Variants in PSMC3IP observed in about 807,000 individuals in gnomAD.
PSMC3IP encodes the protein PSMC3 interacting protein.
In PSMC3IP, 26 loss-of-function variants were observed where a neutral mutation model predicts 34.9. The observed-to-expected ratio is 0.74, with a 90% CI of 0.55 to 1.03. PSMC3IP has a LOEUF of 1.03. PSMC3IP is among the 50% of genes least tolerant of loss of function. The probability of loss-of-function intolerance (pLI) is 0.00; values close to 1 mark genes in which losing one functional copy is unlikely to be tolerated. For missense variants in PSMC3IP, 250 were observed against 263.1 expected (o/e 0.95, Z 0.34); for synonymous variants, 87 against 96.5 (o/e 0.90, Z 0.57).
At chr17:42,577,059 C>T (rs942098646) in intron 3 of PSMC3IP, 154 bp downstream of exon 3, 2 of 1,511,582 alleles carry the variant, frequency 1.3e-6, no homozygotes, top group African/African-American at 1.4e-5. Context: ...AAGTTGGGAT[C>T]CTAACAAGAG....
chr17:42,577,050 AG>A (rs2093079710), intron 3 of PSMC3IP, 162 bp downstream of exon 3: 3 of 1,486,646 alleles, frequency 2.0e-6, no homozygotes, highest in Admixed American at 2.1e-5. Flanking sequence ...AACCTCGTGA[AG>A]TTGGGATCCT....
Position 42,572,348 on chromosome 17 carries a change from C to G in PSMC3IP, c.*620G>C, listed in dbSNP as rs921509634. 3.3e-5 allele frequency: 15 copies of G among 454,490 alleles called. No individual in the cohort carries two copies. The highest frequency in any genetic ancestry group is 2.6e-4 in the African/African-American group (13 of 50,126). The allele number at this position is 454,490 out of a possible 1,614,324, so 28.2% of individuals were successfully genotyped here. ...TTTTTTATTTTTCTAAATACCAATGCAGTTTTGCTACGGTTACAATTTTGA... is the reference window on the plus strand; with the variant it reads ...TTTTTTATTTTTCTAAATACCAATGGAGTTTTGCTACGGTTACAATTTTGA... On this transcript the variant is annotated 3_prime_UTR_variant, in exon 8 of 8. Coordinates refer to ENST00000393795, the MANE Select transcript of PSMC3IP (RefSeq NM_016556.4).
intron 2 of PSMC3IP, 49 bp downstream of exon 2, chr17:42,577,412 T>C (rs1259937028): frequency 1.2e-6 from 2 of 1,610,836 alleles, no homozygotes; most frequent in Admixed American, 1.7e-5. Context: ...GACCCCAGCC[T>C]GAATCCAGGG....
rs185065656 is a variant in PSMC3IP at position 42,575,312 on chromosome 17, A to C, written c.226-1102T>G. Among the ~76,000 whole-genome samples the C allele has an allele frequency of 3.7e-3, 558 of 152,360 alleles. 1 individual carries two copies. Among genetic ancestry groups the C allele is most frequent in the African/African-American group, 0.013 (528 of 41,576 alleles). On this transcript the variant is annotated intron_variant, in intron 3 of 7. Transcript: ENST00000393795. ...CTGCCAGATGCATGTTTTTGAAAAC[A>C]AAATTTTATTGAAACAGCCCCACCC... is the stretch of plus-strand genomic sequence containing the variant.
rs749077875 is a variant in PSMC3IP, at chr17:42,577,097, G to A, written c.225+116C>T. Reference sequence around the variant, plus strand: ...GTACACACCTTGATTTAAGGATGGTGGCCTAAGACAGGTGAGTTTTCCATG... The same window carrying A: ...GTACACACCTTGATTTAAGGATGGTAGCCTAAGACAGGTGAGTTTTCCATG... On this transcript the variant is annotated intron_variant, in intron 3 of 7. Transcript: ENST00000393795. 28 of 1,561,554 alleles carry A rather than the reference G, an allele frequency of 1.8e-5. No homozygotes were observed. In the Middle Eastern group the frequency reaches 6.8e-4, roughly 38 times the overall value.
chr17:42,573,562 TA>T lies in PSMC3IP; in HGVS notation c.398del (p.Leu133Ter). Reference sequence around the variant, plus strand: ...CTCTGTAGCCAGCGCATTCCTTCTTTAACTCCTGGATTTCTTTCTGCATCTC... The same window carrying T: ...CTCTGTAGCCAGCGCATTCCTTCTTTACTCCTGGATTTCTTTCTGCATCTC... ...TPEMQKEIQE[L>X]KKECAGYRER... On this transcript the variant is annotated frameshift_variant, in exon 5 of 8. Coordinates refer to ENST00000393795, the MANE Select transcript of PSMC3IP (RefSeq NM_016556.4). LOFTEE classifies it high-confidence loss of function. 6.2e-7 allele frequency: 1 copy of T among 1,614,206 alleles called. No individual in the cohort carries two copies. Among genetic ancestry groups the T allele is most frequent in the Non-Finnish European group, 8.5e-7 (1 of 1,180,028 alleles).
chr17:42,572,390 C>CA lies in PSMC3IP; in HGVS notation c.*577dup. On this transcript the variant is annotated 3_prime_UTR_variant, in exon 8 of 8. Transcript: ENST00000393795. ...CAATTTTGAAATATTAACTGAGCCT[C>CA]AAAATCACCCTTTCTGTCAAGCATA... 1 of 454,638 alleles carries CA rather than the reference C, an allele frequency of 2.2e-6. No individual in the cohort carries two copies. Among genetic ancestry groups the CA allele is most frequent in the Non-Finnish European group, 4.4e-6 (1 of 226,778 alleles). The allele number at this position is 454,638 out of a possible 1,614,324, so 28.2% of individuals were successfully genotyped here. A position where few individuals can be genotyped will look rare whatever the true frequency, so the allele number is the denominator to read the frequency against.
intron 3 of PSMC3IP, 67 bp from the exon 4 acceptor site, chr17:42,574,277 G>A (rs1363059395): frequency 6.4e-7 from 1 of 1,567,840 alleles, no homozygotes; most frequent in Non-Finnish European, 8.6e-7. Context: ...CACACACCTG[G>A]GAAGGCACCA....
At chr17:42,574,375 CAGTTAAGGAGCGGCCCCACTAAAAA>C in intron 3 of PSMC3IP, 165 bp from the exon 4 acceptor site, 1 of 1,461,840 alleles carries the variant, frequency 6.8e-7, no homozygotes, top group Non-Finnish European at 9.1e-7. Context: ...AAATTGTTTT[CAGTTAAGGAGCGGCCCCACTAAAAA>C]GGTAGGAAAG....
intron 5 of PSMC3IP, 56 bp from the exon 6 acceptor site, chr17:42,573,420 G>T (rs2093050309): frequency 1.2e-6 from 2 of 1,614,220 alleles, no homozygotes; most frequent in Non-Finnish European, 1.7e-6. Flanking sequence ...GCCCTCTGGG[G>T]CTCAGCCCTG....
intron 3 of PSMC3IP, chr17:42,576,608 G>A: frequency 6.0e-6 from 1 of 167,504 alleles, no homozygotes; most frequent in South Asian, 1.3e-4. Flanking sequence ...GGACCAACCT[G>A]GGCAGCACAG....
At chr17:42,573,920 T>C (rs2093055181) in intron 4 of PSMC3IP, 179 bp downstream of exon 4, 1 of 1,532,810 alleles carries the variant, frequency 6.5e-7, no homozygotes, top group Non-Finnish European at 8.7e-7. Context: ...ATCTTGTCCA[T>C]TTGTTGGTAC....
chr17:42,575,938 G>A (rs983749774), intron 3 of PSMC3IP, among the ~76,000 whole-genome samples: 3 of 151,910 alleles, frequency 2.0e-5, no homozygotes, highest in South Asian at 2.1e-4. Context: ...GGGGAATGGC[G>A]TGAACCCAGG....
intron 6 of PSMC3IP, 51 bp downstream of exon 6, chr17:42,573,260 C>A (rs375509656): frequency 2.5e-6 from 4 of 1,613,822 alleles, no homozygotes; most frequent in African/African-American, 1.3e-5. Context: ...CTGGTGCCTG[C>A]CATTTTCAAA....
intron 6 of PSMC3IP, 25 bp downstream of exon 6, chr17:42,573,286 T>C: frequency 1.2e-6 from 2 of 1,614,096 alleles, no homozygotes; most frequent in Non-Finnish European, 1.7e-6. Context: ...CTCCAGGGCC[T>C]GTCTCGGAGC....
At chr17:42,574,955 C>T (rs1393913918) in intron 3 of PSMC3IP, among the ~76,000 whole-genome samples, 2 of 152,116 alleles carry the variant, frequency 1.3e-5, no homozygotes, top group South Asian at 2.1e-4. Context: ...GGTTTCACCA[C>T]GTTGCCCAGG....
intron 3 of PSMC3IP, 148 bp from the exon 4 acceptor site, chr17:42,574,358 T>G: frequency 6.7e-7 from 1 of 1,487,170 alleles, no homozygotes; most frequent in East Asian, 2.5e-5. Context: ...GGGAGAGTAC[T>G]TTTGAGAAAT....
chr17:42,575,371 T>C (rs2093068974), intron 3 of PSMC3IP, among the ~76,000 whole-genome samples: 1 of 152,242 alleles, frequency 6.6e-6, no homozygotes, highest in African/African-American at 2.4e-5. Context: ...GCTTCTGTTC[T>C]ACAGTGGCAG....
chr17:42,575,109 G>A (rs899539834), intron 3 of PSMC3IP, among the ~76,000 whole-genome samples: 1 of 152,156 alleles, frequency 6.6e-6, no homozygotes, highest in African/African-American at 2.4e-5. Flanking sequence ...CTCTCATGAG[G>A]GGCCATTGCT....
Sources: allele counts gnomAD v4.1 joint callset (sites outside exome capture counted in the v4.1 genomes callset), GRCh38; gene constraint gnomAD v4.1.1; transcripts MANE v1.5; gene names NCBI Gene and HGNC (gene_info 2026-07-23, HGNC 2026-07-21).